Variants in PTPRM observed in about 807,000 individuals in gnomAD.
The protein encoded by PTPRM is protein tyrosine phosphatase receptor type M, also known as receptor-type tyrosine-protein phosphatase mu.
Under a neutral mutation model 186.7 loss-of-function variants are expected in PTPRM, and 47 were observed. The ratio of observed to expected loss-of-function variants is 0.25; its 90% CI spans 0.20 to 0.32. PTPRM has a LOEUF of 0.32. Ranked by LOEUF, PTPRM falls within the 10% of genes least tolerant of loss-of-function variation. The pLI is 1.00. For synonymous variants in PTPRM, 668 were observed against 674.9 expected, an observed-to-expected ratio of 0.99 and a Z score of 0.16; for missense variants, 1,494 against 1,865.0, an observed-to-expected ratio of 0.80 and a Z score of 3.66.
intron 14 of PTPRM, among the ~76,000 whole-genome samples, chr18:8,238,658 T>TG (rs2094377693): frequency 3.1e-5 from 4 of 129,346 alleles, no homozygotes; most frequent in East Asian, 4.3e-4. Context: ...TGTGTTTTTT[T>TG]TTTTTTTTTT....
In PTPRM at chr18:7,939,230, C is replaced by T. The variant is rs79120124; in HGVS notation, c.664-9951C>T. On this transcript the variant is annotated intron_variant, in intron 5 of 32. Coordinates refer to ENST00000580170, the MANE Select transcript of PTPRM (RefSeq NM_001105244.2). ...TTCACTATTGAAGAAATGAAAGTGC[C>T]GTTTAATCCCCACCTGTATGTCTGA... Among the ~76,000 whole-genome samples, 400 of 152,166 alleles carry T rather than the reference C, an allele frequency of 2.6e-3. 12 individuals carry two copies. In the East Asian group the frequency reaches 0.061, roughly 23 times the overall value.
intron 19 of PTPRM, among the ~76,000 whole-genome samples, chr18:8,264,492 C>T (rs2094674615): frequency 6.6e-6 from 1 of 151,900 alleles, no homozygotes; most frequent in Non-Finnish European, 1.5e-5. Context: ...CACACCAGGC[C>T]GGGCGTGGTG....
chr18:8,341,092 A>G (rs1200335634), intron 22 of PTPRM, among the ~76,000 whole-genome samples: 3 of 151,702 alleles, frequency 2.0e-5, no homozygotes, highest in Non-Finnish European at 4.4e-5. Flanking sequence ...GGACAGTGAT[A>G]ATTATGCTCC....
At chr18:7,815,254 G>A (rs927444074) in intron 2 of PTPRM, 1 of 152,064 alleles carries the variant, frequency 6.6e-6, no homozygotes, top group African/African-American at 2.4e-5. Context: ...CTTAATTTTA[G>A]TTGGCTTAGG....
chr18:7,886,108 C>T (rs2048771211), intron 2 of PTPRM, among the ~76,000 whole-genome samples: 1 of 152,178 alleles, frequency 6.6e-6, no homozygotes, highest in Non-Finnish European at 1.5e-5. Context: ...AAGAACATGT[C>T]ATGCCTCAGC....
At chr18:8,395,345 C>G (rs2095840513) in intron 32 of PTPRM, among the ~76,000 whole-genome samples, 1 of 152,034 alleles carries the variant, frequency 6.6e-6, no homozygotes, top group Admixed American at 6.5e-5. Flanking sequence ...AGCCAATGTT[C>G]CCAGGTCCAC....
At chr18:8,338,006 C>A (rs1263962972) in intron 22 of PTPRM, among the ~76,000 whole-genome samples, 1 of 152,072 alleles carries the variant, frequency 6.6e-6, no homozygotes, top group Non-Finnish European at 1.5e-5. Context: ...TCAGGGGAGG[C>A]CCCATGTGGG....
At chr18:8,334,742 T>C (rs2095429546) in intron 22 of PTPRM, among the ~76,000 whole-genome samples, 1 of 152,222 alleles carries the variant, frequency 6.6e-6, no homozygotes. Context: ...AGGAGTTGTT[T>C]TGTTCAATGG....
intron 2 of PTPRM, among the ~76,000 whole-genome samples, chr18:7,862,952 T>G (rs2047469823): frequency 6.6e-6 from 1 of 152,052 alleles, no homozygotes; most frequent in African/African-American, 2.4e-5. Flanking sequence ...CGGACAAACT[T>G]GTAAAGGGAG....
chr18:7,629,650 T>C (rs922339565), intron 1 of PTPRM, among the ~76,000 whole-genome samples: 1 of 152,136 alleles, frequency 6.6e-6, no homozygotes, highest in Admixed American at 6.5e-5. Context: ...AGTAGACATA[T>C]AGGTGTGAGC....
chr18:8,264,239 C>A, intron 19 of PTPRM, among the ~76,000 whole-genome samples: 1 of 152,116 alleles, frequency 6.6e-6, no homozygotes, highest in African/African-American at 2.4e-5. Flanking sequence ...TCTTACCAAC[C>A]GCTAATAGAA....
At chr18:7,916,676 G>A (rs1422192901) in intron 4 of PTPRM, among the ~76,000 whole-genome samples, 1 of 151,990 alleles carries the variant, frequency 6.6e-6, no homozygotes, top group East Asian at 1.9e-4. Context: ...ACACATAATT[G>A]TACATACCTA....
chr18:8,260,106 C>T (rs2094613330), intron 19 of PTPRM, among the ~76,000 whole-genome samples: 1 of 152,040 alleles, frequency 6.6e-6, no homozygotes, highest in Admixed American at 6.6e-5. Context: ...TGGTGAGGGC[C>T]ATGTGCTAAG....
chr18:7,957,639 G>T (rs2053403162), intron 7 of PTPRM, among the ~76,000 whole-genome samples: 1 of 152,116 alleles, frequency 6.6e-6, no homozygotes, highest in African/African-American at 2.4e-5. Context: ...ATGTTAGGTG[G>T]GTGAGGAAAG....
chr18:7,588,641 A>G lies in PTPRM; in HGVS notation c.73+20750A>G, dbSNP rs186118001. On this transcript the variant is annotated intron_variant, in intron 1 of 32. Coordinates refer to ENST00000580170, the MANE Select transcript of PTPRM (RefSeq NM_001105244.2). ...GCTAATGTGATGTTTGAGTGTGATC[A>G]TAAATGCTCACAAAAACAAATTGTT... is the stretch of plus-strand genomic sequence containing the variant. Among the ~76,000 whole-genome samples the G allele has an allele frequency of 3.5e-3, 528 of 152,324 alleles. 2 individuals carry two copies. Among genetic ancestry groups the G allele is most frequent in the Middle Eastern group, 6.8e-3 (2 of 294 alleles).
intron 27 of PTPRM, among the ~76,000 whole-genome samples, chr18:8,378,661 G>T (rs1361553399): frequency 6.6e-6 from 1 of 152,082 alleles, no homozygotes; most frequent in Non-Finnish European, 1.5e-5. Context: ...GAGAACCACT[G>T]GTCTAACAAC....
At chr18:8,342,776 A>AT (rs1449723577) in intron 22 of PTPRM, among the ~76,000 whole-genome samples, 3 of 152,024 alleles carry the variant, frequency 2.0e-5, no homozygotes, top group Non-Finnish European at 4.4e-5. Context: ...TGTAATATAT[A>AT]TTTTTCCAGC....
At chr18:7,600,706 G>A (rs2037379207) in intron 1 of PTPRM, among the ~76,000 whole-genome samples, 1 of 152,212 alleles carries the variant, frequency 6.6e-6, no homozygotes, top group South Asian at 2.1e-4. Flanking sequence ...CTAGCTGCAG[G>A]AGGGAGTAAC....
At chr18:7,648,104 C>T (rs1394829104) in intron 1 of PTPRM, among the ~76,000 whole-genome samples, 1 of 152,088 alleles carries the variant, frequency 6.6e-6, no homozygotes, top group Non-Finnish European at 1.5e-5. Context: ...ATAATTCTCA[C>T]AGTATTTTAA....
Sources: gnomAD v4.1 joint callset for allele counts (sites outside exome capture counted in the v4.1 genomes callset) on GRCh38, gnomAD v4.1.1 for gene constraint, MANE v1.5 for transcripts, NCBI Gene and HGNC (gene_info 2026-07-23, HGNC 2026-07-21) for gene names.